NELL1: variants seen among roughly 807,000 people sequenced by gnomAD.
The protein encoded by NELL1 is neural EGFL like 1.
NELL1 carries 76 observed loss-of-function variants against 107.4 expected under a neutral mutation model. That is an observed-to-expected ratio of 0.71 (90% CI 0.59 to 0.86). The LOEUF is 0.86. Ranked by LOEUF, NELL1 falls within the 40% of genes least tolerant of loss-of-function variation. The pLI is 0.00. For missense variants in NELL1, 1,024 were observed against 1,005.5 expected (o/e 1.02, Z -0.25); for synonymous variants, 353 against 341.2 (o/e 1.03, Z -0.38).
At chr11:20,855,764 AC>A (rs1234662996) in intron 4 of NELL1, among the ~76,000 whole-genome samples, 6 of 152,236 alleles carry the variant, frequency 3.9e-5, no homozygotes, top group Non-Finnish European at 7.3e-5. Context: ...TTTGAAAAAA[AC>A]ATATACACAT....
At chr11:20,755,534 GT>G (rs1364309032) in intron 2 of NELL1, among the ~76,000 whole-genome samples, 7 of 90,312 alleles carry the variant, frequency 7.8e-5, no homozygotes, top group Admixed American at 4.0e-4. Context: ...ACCTGTGTGG[GT>G]TTTTGTTTTT....
intron 15 of NELL1, among the ~76,000 whole-genome samples, chr11:21,426,254 T>C (rs1852818667): frequency 6.6e-6 from 1 of 152,234 alleles, no homozygotes; most frequent in Non-Finnish European, 1.5e-5. Context: ...TCACAGTACA[T>C]GCTCAGTAGC....
rs148915555 is a variant in NELL1, at chr11:21,170,317, G to A, written c.1426+56603G>A. On this transcript the variant is annotated intron_variant, in intron 13 of 19. Transcript: ENST00000357134. ...TCTCTCTTATATTGCTTGTCTATGA[G>A]GCTGTGATGAGAGAATTTGGCTGAT... Among the ~76,000 whole-genome samples the A allele has an allele frequency of 3.0e-3, 461 of 151,732 alleles. 9 individuals carry two copies. Among genetic ancestry groups the A allele is most frequent in the African/African-American group, 0.011 (444 of 41,084 alleles).
At chr11:21,130,630 A>G (rs1447525259) in intron 13 of NELL1, among the ~76,000 whole-genome samples, 3 of 152,192 alleles carry the variant, frequency 2.0e-5, no homozygotes, top group Non-Finnish European at 2.9e-5. Flanking sequence ...TGTTACATCT[A>G]TGGTATTACA....
chr11:20,849,071 A>T (rs1848750722), intron 4 of NELL1, among the ~76,000 whole-genome samples: 1 of 152,096 alleles, frequency 6.6e-6, no homozygotes, highest in Non-Finnish European at 1.5e-5. Context: ...TCAAGAGCTC[A>T]TTGCCCCCTT....
At chr11:20,971,101 C>A (rs563979692) in intron 12 of NELL1, among the ~76,000 whole-genome samples, 5 of 152,160 alleles carry the variant, frequency 3.3e-5, no homozygotes, top group African/African-American at 1.2e-4. Flanking sequence ...AACTCAGATA[C>A]CTGGCATTTT....
intron 2 of NELL1, among the ~76,000 whole-genome samples, chr11:20,775,468 A>G (rs1229297437): frequency 8.6e-5 from 7 of 81,534 alleles, no homozygotes; most frequent in Non-Finnish European, 1.7e-4. Flanking sequence ...TCGTATTATA[A>G]AAATCTTTTC....
At chr11:20,906,036 A>G (rs1849990277) in intron 5 of NELL1, among the ~76,000 whole-genome samples, 3 of 152,154 alleles carry the variant, frequency 2.0e-5, no homozygotes, top group Admixed American at 2.0e-4. Flanking sequence ...TGAGAGCAGA[A>G]AGCAAGACAT....
intron 14 of NELL1, among the ~76,000 whole-genome samples, chr11:21,267,080 A>G (rs188332764): frequency 1.3e-3 from 200 of 151,952 alleles, no homozygotes; most frequent in African/African-American, 4.5e-3. Flanking sequence ...ATTTATAGGT[A>G]TGTTTCTTTT....
In NELL1 at chr11:20,691,823, CT is replaced by C. The variant is rs535189424; in HGVS notation, c.184+13768del. Among the ~76,000 whole-genome samples, 196 of 152,212 alleles carry C rather than the reference CT, an allele frequency of 1.3e-3. 5 individuals are homozygous for C. In the East Asian group the frequency reaches 0.032, roughly 25 times the overall value. ...TAAAACGAGTTAGGGAGGATTCCCT[CT>C]TTTTCTATTGATTGGAATAGTTTCA... is the stretch of plus-strand genomic sequence containing the variant. On this transcript the variant is annotated intron_variant, in intron 2 of 19. Transcript: ENST00000357134.
chr11:21,263,886 T>G (rs2133925782), intron 14 of NELL1, among the ~76,000 whole-genome samples: 1 of 152,058 alleles, frequency 6.6e-6, no homozygotes. Context: ...CCTTTATAGG[T>G]ATATAATCCT....
intron 14 of NELL1, among the ~76,000 whole-genome samples, chr11:21,318,886 G>A (rs772535529): frequency 2.6e-5 from 4 of 151,950 alleles, no homozygotes; most frequent in Admixed American, 6.6e-5. Context: ...TAGTTCTTCC[G>A]AGCTGTGTGA....
At chr11:21,232,181 T>TATATATATATATATA (rs1375976378) in intron 14 of NELL1, among the ~76,000 whole-genome samples, 11 of 132,020 alleles carry the variant, frequency 8.3e-5, no homozygotes, top group South Asian at 2.5e-4. Context: ...TATATATAAA[T>TATATATATATATATA]TAGCTGGGCG....
chr11:21,157,143 G>A (rs1483840096), intron 13 of NELL1, among the ~76,000 whole-genome samples: 2 of 85,328 alleles, frequency 2.3e-5, no homozygotes, highest in Admixed American at 1.5e-4. Context: ...ATATATGAAT[G>A]TGTATGTATA....
At chr11:20,734,979 T>C (rs545689653) in intron 2 of NELL1, among the ~76,000 whole-genome samples, 1 of 152,228 alleles carries the variant, frequency 6.6e-6, no homozygotes, top group South Asian at 2.1e-4. Flanking sequence ...CTCCAACCAA[T>C]TCTGGTGGTA....
intron 15 of NELL1, among the ~76,000 whole-genome samples, chr11:21,394,905 G>A (rs1452047230): frequency 3.3e-5 from 5 of 151,426 alleles, no homozygotes; most frequent in Non-Finnish European, 4.4e-5. Flanking sequence ...TACCCAGAAG[G>A]AGCCAGAATC....
chr11:21,029,771 T>A (rs962954380), intron 12 of NELL1, among the ~76,000 whole-genome samples: 9 of 152,152 alleles, frequency 5.9e-5, no homozygotes, highest in Non-Finnish European at 1.3e-4. Flanking sequence ...TTGATTTAAA[T>A]AAAGGCAAGA....
intron 13 of NELL1, among the ~76,000 whole-genome samples, chr11:21,216,185 G>A (rs956618894): frequency 6.6e-6 from 1 of 152,174 alleles, no homozygotes; most frequent in Admixed American, 6.5e-5. Flanking sequence ...AAGCCTGTAG[G>A]TGCACAGAAG....
intron 15 of NELL1, among the ~76,000 whole-genome samples, chr11:21,438,720 G>A (rs1203306279): frequency 7.3e-5 from 11 of 151,512 alleles, no homozygotes. Context: ...TCTTTCTTCT[G>A]CTTGTTTTAG....
Sources: gnomAD v4.1 joint callset for allele counts (sites outside exome capture counted in the v4.1 genomes callset) on GRCh38, gnomAD v4.1.1 for gene constraint, MANE v1.5 for transcripts, NCBI Gene and HGNC (gene_info 2026-07-23, HGNC 2026-07-21) for gene names.